The following ARRDC1 variants were observed in gnomAD, a reference collection of about 807,000 sequenced individuals.
ARRDC1 encodes the protein arrestin domain-containing protein 1.
A neutral mutation model predicts 40.1 loss-of-function variants in ARRDC1; 37 were observed. The observed-to-expected ratio is 0.92, with a 90% confidence interval of 0.71 to 1.21. ARRDC1 has a LOEUF of 1.21. ARRDC1 is among the 50% of genes most tolerant of loss of function. ARRDC1 has a pLI of 0.00. For synonymous variants in ARRDC1, 310 were observed against 262.5 expected (o/e 1.18, Z -1.75); for missense variants, 641 against 581.9 (o/e 1.10, Z -1.04).
chr9:137,614,936 G>A lies in ARRDC1; in HGVS notation c.1173G>A (p.Gly391=), dbSNP rs756686281. ...TVPYFAEGSG[G]PVPTTSTLIL... is the part of the protein sequence containing the mutation. ...CCTACTTTGCAGAGGGCTCCGGGGGGCCAGTGCCCACTACCAGCACCTTGA... is the reference window on the plus strand; with the variant it reads ...CCTACTTTGCAGAGGGCTCCGGGGGACCAGTGCCCACTACCAGCACCTTGA... The change falls in exon 7 of 8, where the codon GGG becomes GGA. Residue 391 remains glycine (G), a synonymous_variant. Transcript: ENST00000371421. The A allele has an allele frequency of 5.0e-6, 8 of 1,613,754 alleles. No homozygotes were observed. In the African/African-American group the frequency reaches 6.7e-5, roughly 13 times the overall value.
Position 137,615,224 on chromosome 9 carries a change from C to G in ARRDC1, c.*86C>G. 1 of 1,290,454 alleles carries G rather than the reference C, an allele frequency of 7.7e-7. No homozygotes were observed. The highest frequency in any genetic ancestry group is 1.6e-5 in the South Asian group (1 of 63,860). The allele number at this position is 1,290,454 out of a possible 1,614,324, so 79.9% of individuals were successfully genotyped here. A position where few individuals can be genotyped will look rare whatever the true frequency, so the allele number is the denominator to read the frequency against. ...CTCGTGCCTTCTCTCTTGGCCTAGC[C>G]TGGCCCACTCAGGACCTGCCCAGCC... On this transcript the variant is annotated 3_prime_UTR_variant, in exon 8 of 8. Transcript: ENST00000371421.
At chr9:137,609,032 T>C (rs1842469232) in intron 1 of ARRDC1, among the ~76,000 whole-genome samples, 1 of 152,242 alleles carries the variant, frequency 6.6e-6, no homozygotes, top group South Asian at 2.1e-4. Flanking sequence ...GTTTTCGCGA[T>C]GCTTTGCTAG....
rs571779801 is a variant in ARRDC1, at chr9:137,608,088, T to G, written c.118+2253T>G. Among the ~76,000 whole-genome samples the G allele has an allele frequency of 3.0e-4, 45 of 152,274 alleles. 1 individual carries two copies. Among genetic ancestry groups the G allele is most frequent in the African/African-American group, 1.1e-3 (44 of 41,552 alleles). On this transcript the variant is annotated intron_variant, in intron 1 of 7. Transcript: ENST00000371421. ...AGCTCCGCCTCCCCGGTTCACGCCATTCTCCTGCCTCAGCCTCCTTAAGAG... is the reference window on the plus strand; with the variant it reads ...AGCTCCGCCTCCCCGGTTCACGCCAGTCTCCTGCCTCAGCCTCCTTAAGAG...
Position 137,614,823 on chromosome 9 carries a change from G to C in ARRDC1, c.1060G>C (p.Gly354Arg). ...PLLATLSSVPGAPEPCPQDGS... is the reference protein window; with the variant it reads ...PLLATLSSVPRAPEPCPQDGS... The stretch of plus-strand genomic sequence containing the variant: ...GCTGGCCACCTTGAGTTCTGTGCCT[G>C]GTGCGCCGGAGCCCTGCCCTCAGGA... The change falls in exon 7 of 8, where the codon GGT becomes CGT. Residue 354 changes from glycine to arginine, a missense_variant. Physicochemically the swap from Gly to Arg is moderately radical, Grantham distance 125 (BLOSUM62 -2). Transcript: ENST00000371421. The C allele has an allele frequency of 6.2e-7, 1 of 1,613,186 alleles. No homozygotes were observed. Among genetic ancestry groups the C allele is most frequent in the Non-Finnish European group, 8.5e-7 (1 of 1,179,886 alleles).
chr9:137,606,016 G>A (rs889908973), intron 1 of ARRDC1, among the ~76,000 whole-genome samples, 181 bp downstream of exon 1: 9 of 151,734 alleles, frequency 5.9e-5, no homozygotes, highest in Admixed American at 2.6e-4. Flanking sequence ...GCCCTTCCGC[G>A]TCTGCCCTTC....
In ARRDC1 at chr9:137,614,844, C is replaced by CA; in HGVS notation, c.1082dup (p.Asp362GlyfsTer52). The CA allele has an allele frequency of 6.2e-7, 1 of 1,613,510 alleles. No homozygotes were observed. The highest frequency in any genetic ancestry group is 8.5e-7 in the Non-Finnish European group (1 of 1,179,988). On this transcript the variant is annotated frameshift_variant, in exon 7 of 8. Coordinates refer to ENST00000371421, the MANE Select transcript of ARRDC1 (RefSeq NM_152285.4). LOFTEE classifies it high-confidence loss of function. ...GCCTGGTGCGCCGGAGCCCTGCCCTCAGGATGGCAGCCCTGCCTCACACCC... is the reference window on the plus strand; with the variant it reads ...GCCTGGTGCGCCGGAGCCCTGCCCTCAAGGATGGCAGCCCTGCCTCACACCC...
intron 1 of ARRDC1, among the ~76,000 whole-genome samples, chr9:137,607,192 C>T (rs935258775): frequency 3.9e-5 from 6 of 152,258 alleles, no homozygotes; most frequent in African/African-American, 7.2e-5. Context: ...ATGATTCAGG[C>T]TGCTGCAAGT....
chr9:137,606,067 T>A (rs902647029), intron 1 of ARRDC1, among the ~76,000 whole-genome samples: 8 of 150,396 alleles, frequency 5.3e-5, no homozygotes, highest in African/African-American at 2.0e-4. Context: ...CGGCGGGGCC[T>A]GAAGCGGGTC....
At position 137,614,789 on chromosome 9, in the gene ARRDC1, G is replaced by A. The variant is rs1450650600; in HGVS notation, c.1026G>A (p.Arg342=). ...VFLSTKSHSQ[R]QPLLATLSSV... is the part of the protein sequence containing the mutation. ...TCTCCACCAAGAGCCATTCGCAGCG[G>A]CAGCCCCTGCTGGCCACCTTGAGTT... The change falls in exon 7 of 8, where the codon CGG becomes CGA. Residue 342 remains arginine (R), a synonymous_variant. Transcript: ENST00000371421. The A allele has an allele frequency of 6.2e-7, 1 of 1,612,262 alleles. No homozygotes were observed. The highest frequency in any genetic ancestry group is 1.1e-5 in the South Asian group (1 of 91,020).
At chr9:137,610,651 C>T (rs1842498856) in intron 1 of ARRDC1, among the ~76,000 whole-genome samples, 1 of 152,076 alleles carries the variant, frequency 6.6e-6, no homozygotes, top group Non-Finnish European at 1.5e-5. Context: ...GCAACCTCCG[C>T]CTCCCAGGTT....
intron 1 of ARRDC1, among the ~76,000 whole-genome samples, chr9:137,608,140 A>G (rs1029606149): frequency 6.6e-6 from 1 of 151,556 alleles, no homozygotes; most frequent in African/African-American, 2.4e-5. Context: ...CCGCCACCAC[A>G]CCCGGCTAAT....
intron 1 of ARRDC1, 104 bp downstream of exon 1, chr9:137,605,939 G>C: frequency 1.5e-6 from 1 of 645,864 alleles, no homozygotes. Flanking sequence ...CCGCGGAGTC[G>C]CTGTCTTCGC....
At chr9:137,610,350 G>A (rs1253659525) in intron 1 of ARRDC1, among the ~76,000 whole-genome samples, 2 of 152,086 alleles carry the variant, frequency 1.3e-5, no homozygotes, top group Admixed American at 1.3e-4. Flanking sequence ...GTTAGTCTGG[G>A]GACCACTGCC....
intron 2 of ARRDC1, chr9:137,613,251 A>C (rs1048296608): frequency 2.7e-5 from 20 of 750,886 alleles, no homozygotes; most frequent in Non-Finnish European, 3.6e-5. Context: ...CCCTTGCCCC[A>C]TTCCCAAACC....
At chr9:137,612,776 G>GCCTTCCCAGGACCCTGC in intron 1 of ARRDC1, 120 bp from the exon 2 acceptor site, 1 of 696,672 alleles carries the variant, frequency 1.4e-6, no homozygotes, top group Non-Finnish European at 2.5e-6. Context: ...TTGCTCACTG[G>GCCTTCCCAGGACCCTGC]CCTTCCCAGG....
At chr9:137,615,029 A>C in intron 7 of ARRDC1, 29 bp downstream of exon 7, 2 of 1,612,166 alleles carry the variant, frequency 1.2e-6, no homozygotes, top group Non-Finnish European at 1.7e-6. Context: ...CTTGGCAGGG[A>C]GGGGACGCCA....
Position 137,614,830 on chromosome 9 carries a change from C to A in ARRDC1, c.1067C>A (p.Pro356Gln), listed in dbSNP as rs758171122. 2 of 1,613,294 alleles carry A rather than the reference C, an allele frequency of 1.2e-6. No individual in the cohort carries two copies. The change falls in exon 7 of 8, where the codon CCG (proline) becomes CAG (glutamine). Residue 356 changes from proline to glutamine, a missense_variant. By Grantham distance (76) the Pro-to-Gln change is moderately conservative. Transcript: ENST00000371421. ...ACCTTGAGTTCTGTGCCTGGTGCGCCGGAGCCCTGCCCTCAGGATGGCAGC... is the reference window on the plus strand; with the variant it reads ...ACCTTGAGTTCTGTGCCTGGTGCGCAGGAGCCCTGCCCTCAGGATGGCAGC... ...LATLSSVPGAPEPCPQDGSPA... is the reference protein window; with the variant it reads ...LATLSSVPGAQEPCPQDGSPA...
chr9:137,605,777 C>CG lies in ARRDC1; in HGVS notation c.64dup (p.Glu22GlyfsTer35). 7.4e-7 allele frequency: 1 copy of CG among 1,348,770 alleles called. No homozygotes were observed. Among genetic ancestry groups the CG allele is most frequent in the Non-Finnish European group, 9.5e-7 (1 of 1,048,540 alleles). 83.6% of individuals were successfully genotyped at this position (1,348,770 alleles called of 1,614,324 possible). On this transcript the variant is annotated frameshift_variant, in exon 1 of 8. Coordinates refer to ENST00000371421, the MANE Select transcript of ARRDC1 (RefSeq NM_152285.4). LOFTEE classifies it high-confidence loss of function. ...GCCACGGCCGCGTCGTCTACAGCCC[C>CG]GGGGAGCCGTTGGCTGGGACCGTGC...
rs1339202295 is a variant in ARRDC1 at position 137,614,456 on chromosome 9, A to G, written c.776A>G (p.His259Arg). The G allele has an allele frequency of 6.8e-6, 11 of 1,613,372 alleles. No individual in the cohort carries two copies. The highest frequency in any genetic ancestry group is 7.6e-6 in the Non-Finnish European group (9 of 1,179,940). The change falls in exon 6 of 8, where the codon CAC becomes CGC. Residue 259 changes from histidine to arginine, a missense_variant. His to Arg is a conservative substitution (Grantham distance 29, BLOSUM62 0). Coordinates refer to ENST00000371421, the MANE Select transcript of ARRDC1 (RefSeq NM_152285.4). ...GCCCTGCCGGGCTGCAGCCTCATCC[A>G]CATCGACTACTACTTACAGGTTTGG... ...QSALPGCSLI[H>R]IDYYLQVSLK...
Sources: allele counts gnomAD v4.1 joint callset (sites outside exome capture counted in the v4.1 genomes callset), GRCh38; gene constraint gnomAD v4.1.1; transcripts MANE v1.5; gene names NCBI Gene and HGNC (gene_info 2026-07-23, HGNC 2026-07-21).